The following TBC1D4 variants were observed in gnomAD, a reference collection of about 807,000 sequenced individuals.
The protein encoded by TBC1D4 is TBC1 domain family member 4.
Under a neutral mutation model 142.5 loss-of-function variants are expected in TBC1D4, and 121 were observed. The observed-to-expected ratio is 0.85, with a 90% CI of 0.73 to 0.99. TBC1D4 has a LOEUF of 0.99. Ranked by LOEUF, TBC1D4 falls within the 50% of genes least tolerant of loss-of-function variation. The probability of loss-of-function intolerance (pLI) is 0.00; values close to 1 mark genes in which losing one functional copy is unlikely to be tolerated. For synonymous variants in TBC1D4, 630 were observed against 628.2 expected (o/e 1.00, Z -0.04); for missense variants, 1,475 against 1,606.6 (o/e 0.92, Z 1.40).
intron 5 of TBC1D4, among the ~76,000 whole-genome samples, chr13:75,346,826 GTTATTAAGCAAATTATTTTT>G (rs1881189521): frequency 6.6e-6 from 1 of 152,012 alleles, no homozygotes. Flanking sequence ...TATGCTGTAT[GTTATTAAGCAAATTATTTTT>G]TCACTCAACA....
chr13:75,412,054 T>C (rs1343448336), intron 1 of TBC1D4, among the ~76,000 whole-genome samples: 2 of 152,130 alleles, frequency 1.3e-5, no homozygotes, highest in South Asian at 2.1e-4. Flanking sequence ...GGGACAGCAG[T>C]GTTCGCATGT....
chr13:75,288,653 C>A (rs1874937729), intron 20 of TBC1D4, among the ~76,000 whole-genome samples: 1 of 152,166 alleles, frequency 6.6e-6, no homozygotes, highest in Non-Finnish European at 1.5e-5. Context: ...CATTCAATTC[C>A]TCCTCCCTTT....
At chr13:75,382,137 T>A (rs933599491) in intron 1 of TBC1D4, among the ~76,000 whole-genome samples, 3 of 152,140 alleles carry the variant, frequency 2.0e-5, no homozygotes, top group African/African-American at 7.2e-5. Context: ...ACCTCCAGCC[T>A]CTCTCCTTCC....
chr13:75,371,066 G>T (rs1002122996), intron 1 of TBC1D4, among the ~76,000 whole-genome samples: 1 of 152,108 alleles, frequency 6.6e-6, no homozygotes, highest in Non-Finnish European at 1.5e-5. Context: ...AAGTAAGAAA[G>T]GTTTCCAAAA....
rs139548209 is a variant in TBC1D4 at position 75,368,424 on chromosome 13, A to C, written c.499-5817T>G. On this transcript the variant is annotated intron_variant, in intron 1 of 20. Coordinates refer to ENST00000377636, the MANE Select transcript of TBC1D4 (RefSeq NM_014832.5). ...TGATCCTCGGGCTATGAGCCAAGAC[A>C]GTTTCCTCTCAGACCAGGCTTTAGT... 1.9e-3 allele frequency among the ~76,000 whole-genome samples: 287 copies of C among 152,360 alleles called. 5 individuals carry two copies. Among genetic ancestry groups the C allele is most frequent in the African/African-American group, 6.7e-3 (278 of 41,584 alleles).
chr13:75,314,308 G>C (rs1482662542), intron 12 of TBC1D4, among the ~76,000 whole-genome samples: 1 of 152,118 alleles, frequency 6.6e-6, no homozygotes, highest in Admixed American at 6.5e-5. Context: ...GAATCAAAAG[G>C]TCAGTGCTGA....
In TBC1D4 at chr13:75,327,763, C is replaced by G. The variant is rs762833715; in HGVS notation, c.1795G>C (p.Ala599Pro). 6.2e-7 allele frequency: 1 copy of G among 1,614,008 alleles called. No homozygotes were observed. The highest frequency in any genetic ancestry group is 2.2e-5 in the East Asian group (1 of 44,860). ...CTCTAGTTAGATACCTTCTCTGAAG[C>G]AAGACTGTTGGACCGTTCAAAACTG... ...VDSFERSNSL[A>P]SEKDYSPGDS... Residue 599 changes from alanine to proline, a missense_variant, in exon 9 of 21, where the codon GCT becomes CCT. Ala to Pro is a conservative substitution (Grantham distance 27, BLOSUM62 -1). This residue lies in a region of TBC1D4 where 1,227 missense variants were observed against 1,267.7 expected (regional missense o/e 0.97). Transcript: ENST00000377636.
At chr13:75,481,199 CGCCCCTCCCGCCCTGCTCCCCGAT>C in intron 1 of TBC1D4, 47 bp downstream of exon 1, 16 of 1,241,494 alleles carry the variant, frequency 1.3e-5, no homozygotes, top group Admixed American at 2.1e-5. Flanking sequence ...GTGGGGTCCC[CGCCCCTCCCGCCCTGCTCCCCGAT>C]CCCCCAAGGC....
rs548334401 is a variant in TBC1D4, at chr13:75,333,126, A to G, written c.1731+3795T>C. Among the ~76,000 whole-genome samples the G allele has an allele frequency of 4.6e-5, 7 of 152,352 alleles. No homozygotes were observed. The South Asian group carries it at 1.5e-3, about 32-fold the overall frequency. On this transcript the variant is annotated intron_variant, in intron 8 of 20. Coordinates refer to ENST00000377636, the MANE Select transcript of TBC1D4 (RefSeq NM_014832.5). ...CTTTAAAGGCACTGAGAGATCACTA[A>G]GGAAGACACTTATACACTGAAGGTG...
chr13:75,425,073 G>A (rs1039263749), intron 1 of TBC1D4, among the ~76,000 whole-genome samples: 1 of 151,812 alleles, frequency 6.6e-6, no homozygotes, highest in Non-Finnish European at 1.5e-5. Context: ...TGAAAAAGGA[G>A]AAAATATATG....
chr13:75,434,578 C>T (rs960573121), intron 1 of TBC1D4, among the ~76,000 whole-genome samples: 3 of 151,940 alleles, frequency 2.0e-5, no homozygotes, highest in African/African-American at 7.2e-5. Context: ...ATAATATGTA[C>T]AACAAACCCC....
chr13:75,477,468 C>T (rs1334231918), intron 1 of TBC1D4, among the ~76,000 whole-genome samples: 1 of 152,100 alleles, frequency 6.6e-6, no homozygotes, highest in Non-Finnish European at 1.5e-5. Flanking sequence ...AACCAATAAA[C>T]ATTATAACAA....
At chr13:75,305,974 A>T (rs745787470) in intron 15 of TBC1D4, among the ~76,000 whole-genome samples, 3 of 152,208 alleles carry the variant, frequency 2.0e-5, no homozygotes, top group Non-Finnish European at 2.9e-5. Flanking sequence ...GTAAATATAC[A>T]CATATATGTA....
intron 1 of TBC1D4, among the ~76,000 whole-genome samples, chr13:75,403,810 A>G (rs1347961586): frequency 6.6e-6 from 1 of 152,206 alleles, no homozygotes; most frequent in Non-Finnish European, 1.5e-5. Context: ...AGAAAAACAC[A>G]GGCTCAAGTG....
At chr13:75,309,901 A>G (rs1485973425) in intron 14 of TBC1D4, 41 bp downstream of exon 14, 1 of 1,604,932 alleles carries the variant, frequency 6.2e-7, no homozygotes, top group Non-Finnish European at 8.5e-7. Flanking sequence ...TACACCCTTC[A>G]ATCATAGCAT....
intron 1 of TBC1D4, among the ~76,000 whole-genome samples, chr13:75,390,055 C>A (rs1450507266): frequency 6.6e-6 from 1 of 151,974 alleles, no homozygotes; most frequent in African/African-American, 2.4e-5. Context: ...GCAGGCAGAT[C>A]AGTTGGGGTC....
intron 1 of TBC1D4, among the ~76,000 whole-genome samples, chr13:75,408,128 CT>C (rs1490708952): frequency 6.6e-6 from 1 of 152,176 alleles, no homozygotes; most frequent in Non-Finnish European, 1.5e-5. Context: ...ACCTTACCCC[CT>C]TCCCCCAAAC....
rs73537559 is a variant in TBC1D4 at position 75,427,626 on chromosome 13, G to C, written c.498+53644C>G. Among the ~76,000 whole-genome samples, 474 of 152,292 alleles carry C rather than the reference G, an allele frequency of 3.1e-3. 2 individuals are homozygous for C. Among genetic ancestry groups the C allele is most frequent in the African/African-American group, 0.011 (441 of 41,572 alleles). On this transcript the variant is annotated intron_variant, in intron 1 of 20. Transcript: ENST00000377636. ...TGCTCCAGCTTGAAGCTTGAAGCTG[G>C]CTCCTTCTGTATTTAGACCTCCCTC...
intron 1 of TBC1D4, among the ~76,000 whole-genome samples, chr13:75,475,346 A>C (rs1888591337): frequency 6.6e-6 from 1 of 152,332 alleles, no homozygotes; most frequent in Non-Finnish European, 1.5e-5. Flanking sequence ...TTCACTTTCC[A>C]AGGGGCTACA....
Sources: allele counts gnomAD v4.1 joint callset (sites outside exome capture counted in the v4.1 genomes callset), GRCh38; gene constraint gnomAD v4.1.1; regional missense constraint gnomAD v4.1.1; transcripts MANE v1.5; gene names NCBI Gene and HGNC (gene_info 2026-07-23, HGNC 2026-07-21).